Variants in PLCG2 observed in about 807,000 individuals in gnomAD.
The protein encoded by PLCG2 is phospholipase C gamma 2.
Under a neutral mutation model 175.6 loss-of-function variants are expected in PLCG2, and 69 were observed. The observed-to-expected ratio is 0.39, with a 90% CI of 0.32 to 0.48. PLCG2 has a LOEUF of 0.48. Ranked by LOEUF, PLCG2 falls within the 20% of genes least tolerant of loss-of-function variation. PLCG2 has a pLI of 0.91. For synonymous variants in PLCG2, 827 were observed against 624.0 expected, an observed-to-expected ratio of 1.33 and a Z score of -4.85; for missense variants, 1,798 against 1,650.9, an observed-to-expected ratio of 1.09 and a Z score of -1.54.
At chr16:81,953,783 T>C (rs1911459705) in intron 31 of PLCG2, among the ~76,000 whole-genome samples, 1 of 152,202 alleles carries the variant, frequency 6.6e-6, no homozygotes, top group South Asian at 2.1e-4. Context: ...ATATCTCATA[T>C]ATATACAGTG....
chr16:81,917,802 A>T (rs1042200784), intron 19 of PLCG2, among the ~76,000 whole-genome samples: 1 of 152,110 alleles, frequency 6.6e-6, no homozygotes, highest in Non-Finnish European at 1.5e-5. Context: ...GCTCACTGCA[A>T]GCTCCGCCTC....
At chr16:81,956,042 C>T (rs938194620) in intron 31 of PLCG2, among the ~76,000 whole-genome samples, 7 of 152,184 alleles carry the variant, frequency 4.6e-5, no homozygotes, top group Admixed American at 3.9e-4. Context: ...AAACCTCACG[C>T]TCATTAGCTG....
intron 2 of PLCG2, among the ~76,000 whole-genome samples, chr16:81,761,072 T>C (rs1455206546): frequency 6.6e-6 from 1 of 152,180 alleles, no homozygotes; most frequent in Non-Finnish European, 1.5e-5. Context: ...AATTTTTGTA[T>C]TTTTTGTAGT....
At chr16:81,954,659 G>C (rs1229249866) in intron 31 of PLCG2, among the ~76,000 whole-genome samples, 1 of 152,168 alleles carries the variant, frequency 6.6e-6, no homozygotes, top group East Asian at 1.9e-4. Context: ...TCCCTGCAAA[G>C]GACATTACTT....
At chr16:81,804,447 A>C (rs572617538) in intron 2 of PLCG2, among the ~76,000 whole-genome samples, 6 of 152,334 alleles carry the variant, frequency 3.9e-5, no homozygotes, top group African/African-American at 1.4e-4. Context: ...TGAATGAGGC[A>C]ACTCTGGATA....
chr16:81,910,746 G>C, intron 18 of PLCG2, 26 bp downstream of exon 18: 1 of 1,597,018 alleles, frequency 6.3e-7, no homozygotes, highest in Non-Finnish European at 8.5e-7. Flanking sequence ...TGGAGCAGGA[G>C]GCAGGCGGTG....
rs569214673 is a variant in PLCG2 at position 81,750,875 on chromosome 16, A to T, written c.-144-4995A>T. Among the ~76,000 whole-genome samples the T allele has an allele frequency of 2.0e-5, 3 of 148,958 alleles. No homozygotes were observed. In the Admixed American group the frequency reaches 2.0e-4, roughly 10 times the overall value. ...TTTTTAGTAGAGATGGGGTTTCAAC[A>T]TGTTAGCCAGGTTGGTCTCGATCTC... On this transcript the variant is annotated intron_variant, in intron 1 of 5. Coordinates refer to the PLCG2 transcript ENST00000565054.
intron 26 of PLCG2, chr16:81,935,931 G>A: frequency 1.0e-6 from 1 of 985,058 alleles, no homozygotes; most frequent in Non-Finnish European, 1.2e-6. Context: ...GTAAATTACA[G>A]TAATTCTAGC....
chr16:81,832,288 A>G (rs1278527196), intron 2 of PLCG2, among the ~76,000 whole-genome samples: 1 of 152,248 alleles, frequency 6.6e-6, no homozygotes, highest in African/African-American at 2.4e-5. Flanking sequence ...TCCGCTCCAC[A>G]TGGCAGCCAC....
chr16:81,770,546 C>G (rs911244403), intron 2 of PLCG2, among the ~76,000 whole-genome samples: 1 of 152,068 alleles, frequency 6.6e-6, no homozygotes, highest in African/African-American at 2.4e-5. Context: ...AACCTTGTCT[C>G]TATAAATAAA....
chr16:81,901,655 T>G (rs933068991), intron 14 of PLCG2, among the ~76,000 whole-genome samples: 1 of 152,238 alleles, frequency 6.6e-6, no homozygotes, highest in African/African-American at 2.4e-5. Flanking sequence ...TTGTGAACAT[T>G]GGCAGCAAGC....
At chr16:81,864,606 G>A (rs1348522063) in intron 5 of PLCG2, among the ~76,000 whole-genome samples, 9 of 152,362 alleles carry the variant, frequency 5.9e-5, no homozygotes, top group Non-Finnish European at 1.2e-4. Flanking sequence ...CAGGGCAGAT[G>A]TGAGGCTTCA....
chr16:81,768,434 T>C (rs762583578), intron 2 of PLCG2, among the ~76,000 whole-genome samples: 8 of 152,158 alleles, frequency 5.3e-5, no homozygotes, highest in Non-Finnish European at 8.8e-5. Context: ...CTGGGTCATA[T>C]GGTAAGTGAA....
chr16:81,787,568 A>G (rs140608512), intron 2 of PLCG2, among the ~76,000 whole-genome samples: 1 of 149,580 alleles, frequency 6.7e-6, no homozygotes, highest in African/African-American at 2.5e-5. Context: ...ATTGATTGAG[A>G]CATAATTCAC....
chr16:81,923,431 C>G (rs1264887193), intron 21 of PLCG2, 54 bp from the exon 22 acceptor site: 287 of 1,066,214 alleles, frequency 2.7e-4, no homozygotes, highest in Non-Finnish European at 3.7e-4. Flanking sequence ...ACGCAGCCGC[C>G]TCCCTCCCCT....
intron 2 of PLCG2, among the ~76,000 whole-genome samples, chr16:81,844,163 T>C (rs1905987300): frequency 6.8e-6 from 1 of 146,942 alleles, no homozygotes; most frequent in South Asian, 2.1e-4. Flanking sequence ...TTTTTTTTTT[T>C]TTTGGTATTT....
At chr16:81,927,483 C>G (rs951374803) in intron 23 of PLCG2, among the ~76,000 whole-genome samples, 1 of 152,194 alleles carries the variant, frequency 6.6e-6, no homozygotes, top group Non-Finnish European at 1.5e-5. Flanking sequence ...GCTTAAGCAA[C>G]TTGCAGATGA....
At chr16:81,744,072 A>T (rs76755889) in intron 1 of PLCG2, among the ~76,000 whole-genome samples, 1 of 150,980 alleles carries the variant, frequency 6.6e-6, no homozygotes, top group Non-Finnish European at 1.5e-5. Context: ...GTTGGCCAGG[A>T]TGGTCTCAAA....
chr16:81,921,347 T>C, intron 21 of PLCG2, 78 bp downstream of exon 21: 1 of 970,434 alleles, frequency 1.0e-6, no homozygotes, highest in African/African-American at 1.6e-5. Context: ...CCCATGGCAG[T>C]TATAACAGGG....
Sources: allele counts gnomAD v4.1 joint callset (sites outside exome capture counted in the v4.1 genomes callset), GRCh38; gene constraint gnomAD v4.1.1; transcripts MANE v1.5; gene names NCBI Gene and HGNC (gene_info 2026-07-23, HGNC 2026-07-21).